Variants in SLC5A12 observed in about 807,000 individuals in gnomAD.
The protein encoded by SLC5A12 is solute carrier family 5 member 12.
A neutral mutation model predicts 72.7 loss-of-function variants in SLC5A12; 46 were observed. That is an observed-to-expected ratio of 0.63 (90% CI 0.50 to 0.81). The LOEUF (loss-of-function observed/expected upper bound fraction) is 0.81, where lower values mean the gene tolerates loss of function less well. Among genes scored for constraint, SLC5A12 ranks in the 30% least tolerant of loss-of-function variants. The pLI, the probability that SLC5A12 is intolerant of heterozygous loss-of-function variation, is 0.00. For synonymous variants in SLC5A12, 275 were observed against 264.4 expected (o/e 1.04, Z -0.39); for missense variants, 683 against 740.7 (o/e 0.92, Z 0.90).
chr11:26,697,439 G>T (rs4462291), intron 7 of SLC5A12, among the ~76,000 whole-genome samples, 187 bp from the exon 8 acceptor site: 10,679 of 152,214 alleles, frequency 0.07, 492 homozygotes, highest in Admixed American at 0.13. Context: ...ATTTTCTTTC[G>T]TGTTTATCCT....
chr11:26,673,116 C>T lies in SLC5A12; in HGVS notation c.1707+286G>A, dbSNP rs915669322. ...CAATTTGTTCCTTTTCTATTATTCA[C>T]TTTTATGTCTTCCTAGAATTCACCT... On this transcript the variant is annotated intron_variant, in intron 14 of 14. Transcript: ENST00000396005. 5.9e-5 allele frequency among the ~76,000 whole-genome samples: 9 copies of T among 152,236 alleles called. No individual in the cohort carries two copies. In the East Asian group the frequency reaches 1.5e-3, roughly 26 times the overall value.
At chr11:26,681,246 T>C (rs1168388065) in intron 11 of SLC5A12, 25 bp from the exon 12 acceptor site, 11 of 1,525,868 alleles carry the variant, frequency 7.2e-6, no homozygotes, top group South Asian at 1.3e-5. Flanking sequence ...AAAAGGTTAA[T>C]GGGAAATTTG....
At chr11:26,712,172 G>T (rs568392001) in intron 2 of SLC5A12, among the ~76,000 whole-genome samples, 1 of 151,702 alleles carries the variant, frequency 6.6e-6, no homozygotes, top group South Asian at 2.1e-4. Context: ...AAGCTGGGGG[G>T]GTGGGAAAGG....
chr11:26,690,392 A>C (rs1291268435), intron 9 of SLC5A12, among the ~76,000 whole-genome samples: 2 of 152,050 alleles, frequency 1.3e-5, no homozygotes, highest in African/African-American at 2.4e-5. Flanking sequence ...AAAGAAAATA[A>C]GTATACAACA....
chr11:26,697,968 G>C (rs1282432707), intron 7 of SLC5A12, among the ~76,000 whole-genome samples: 1 of 143,346 alleles, frequency 7.0e-6, no homozygotes, highest in Non-Finnish European at 1.5e-5. Flanking sequence ...CACGATCTTG[G>C]CTCACTGCAA....
intron 6 of SLC5A12, among the ~76,000 whole-genome samples, chr11:26,701,738 T>C (rs1014056145): frequency 6.6e-6 from 1 of 152,134 alleles, no homozygotes; most frequent in African/African-American, 2.4e-5. Context: ...TTCATTTACA[T>C]ATATATTATA....
chr11:26,707,448 A>C (rs1304962742), intron 4 of SLC5A12, among the ~76,000 whole-genome samples: 1 of 152,006 alleles, frequency 6.6e-6, no homozygotes, highest in Non-Finnish European at 1.5e-5. Context: ...ACTGGACATG[A>C]ATTAGACCTT....
intron 6 of SLC5A12, 106 bp downstream of exon 6, chr11:26,703,425 T>TATACACACACACACACATACAC: frequency 1.2e-6 from 1 of 810,202 alleles, no homozygotes; most frequent in East Asian, 2.8e-5. Context: ...CACACATACA[T>TATACACACACACACACATACAC]ACACACACAC....
intron 9 of SLC5A12, among the ~76,000 whole-genome samples, chr11:26,691,401 T>C (rs1854668629): frequency 6.6e-6 from 1 of 152,140 alleles, no homozygotes; most frequent in Non-Finnish European, 1.5e-5. Context: ...ACCTGGTAAT[T>C]TTCTTTTAGA....
upstream of SLC5A12, among the ~76,000 whole-genome samples, chr11:26,722,738 TG>T (rs894371250): frequency 6.6e-6 from 1 of 152,140 alleles, no homozygotes; most frequent in Non-Finnish European, 1.5e-5. Context: ...TATAAATTCC[TG>T]TTTCTGCTCT....
rs766657146 is a variant in SLC5A12 at position 26,673,513 on chromosome 11, C to G, written c.1596G>C (p.Glu532Asp). The part of the protein sequence containing the change: ...ISLITGRQRG[E>D]DIQPLLIRPV... ...GTCTAATTAACAGTGGTTGAATATC[C>G]TCACCTCTTTGGCGACCTATTAACA... Residue 532 changes from glutamate to aspartate, a missense_variant, in exon 14 of 15, where the codon GAG becomes GAC. Glu to Asp is a conservative substitution (Grantham distance 45). Transcript: ENST00000396005. 1.9e-6 allele frequency: 3 copies of G among 1,607,520 alleles called. No individual in the cohort carries two copies. Among genetic ancestry groups the G allele is most frequent in the African/African-American group, 2.7e-5 (2 of 74,556 alleles).
chr11:26,669,112 T>TC lies in SLC5A12; in HGVS notation c.*1989dup, dbSNP rs1249674361. 2 of 151,892 alleles carry TC rather than the reference T, an allele frequency of 1.3e-5. No homozygotes were observed. The highest frequency in any genetic ancestry group is 3.9e-4 in the East Asian group (2 of 5,158). 9.4% of individuals were successfully genotyped at this position (151,892 alleles called of 1,614,324 possible). On this transcript the variant is annotated 3_prime_UTR_variant, in exon 15 of 15. Transcript: ENST00000396005. ...AATACCTACCATTAATTTATTCTCA[T>TC]CCTCAGAATTGCTGTTTTTTTATTC...
chr11:26,703,761 T>A, intron 5 of SLC5A12, 32 bp downstream of exon 5: 1 of 1,613,072 alleles, frequency 6.2e-7, no homozygotes, highest in Non-Finnish European at 8.5e-7. Flanking sequence ...GCTAAGTCTT[T>A]GTAAAGTATG....
At chr11:26,722,981 C>T (rs1163424383), upstream of SLC5A12, among the ~76,000 whole-genome samples, 1 of 151,586 alleles carries the variant, frequency 6.6e-6, no homozygotes, top group Non-Finnish European at 1.5e-5. Context: ...ATCATCTTGC[C>T]TATTTTAGGG....
intron 10 of SLC5A12, among the ~76,000 whole-genome samples, chr11:26,685,213 C>G (rs972502341): frequency 3.9e-5 from 6 of 152,168 alleles, no homozygotes; most frequent in Non-Finnish European, 7.3e-5. Flanking sequence ...GTTCTGGGAA[C>G]TGGAAGGCCT....
chr11:26,679,412 T>G (rs1854338817), intron 12 of SLC5A12, among the ~76,000 whole-genome samples: 1 of 152,114 alleles, frequency 6.6e-6, no homozygotes, highest in African/African-American at 2.4e-5. Flanking sequence ...GAGGGAAGAA[T>G]CAACATGGTT....
Position 26,683,750 on chromosome 11 carries a change from T to A in SLC5A12, c.1308+7A>T, listed in dbSNP as rs368312706. On this transcript the variant is annotated splice_region_variant and intron_variant, in intron 11 of 14. Coordinates refer to ENST00000396005, the MANE Select transcript of SLC5A12 (RefSeq NM_178498.4). Reference sequence around the variant, plus strand: ...GGGAATTGTGAAGAGGGCTGTGGGATCCTTACCTTCCAATTCACAAAAGGG... The same window carrying A: ...GGGAATTGTGAAGAGGGCTGTGGGAACCTTACCTTCCAATTCACAAAAGGG... 1.6e-3 allele frequency: 2,476 copies of A among 1,576,620 alleles called. 6 individuals carry two copies. Among genetic ancestry groups the A allele is most frequent in the Non-Finnish European group, 1.7e-3 (1,978 of 1,159,896 alleles).
intron 8 of SLC5A12, among the ~76,000 whole-genome samples, chr11:26,695,801 G>T (rs1418335014): frequency 2.0e-5 from 3 of 152,072 alleles, no homozygotes; most frequent in Non-Finnish European, 4.4e-5. Context: ...ACTTCATAAA[G>T]GCTTGTTGTG....
chr11:26,678,875 A>G (rs1854327295), intron 12 of SLC5A12, 60 bp from the exon 13 acceptor site: 1 of 1,091,990 alleles, frequency 9.2e-7, no homozygotes, highest in African/African-American at 1.6e-5. Flanking sequence ...AGTGATGTAG[A>G]GGACTGCTCA....
Sources: allele counts gnomAD v4.1 joint callset (sites outside exome capture counted in the v4.1 genomes callset), GRCh38; gene constraint gnomAD v4.1.1; transcripts MANE v1.5; gene names NCBI Gene and HGNC (gene_info 2026-07-23, HGNC 2026-07-21).